The following MAF variants were observed in gnomAD, a reference collection of about 807,000 sequenced individuals.
The protein encoded by MAF is transcription factor Maf.
MAF carries 10 observed loss-of-function variants against 22.0 expected under a neutral mutation model. The ratio of observed to expected loss-of-function variants is 0.45; its 90% CI spans 0.28 to 0.77. The LOEUF (loss-of-function observed/expected upper bound fraction) is 0.77. MAF is among the 30% of genes least tolerant of loss of function. MAF has a pLI of 0.12. For missense variants in MAF, 544 were observed against 548.4 expected, an observed-to-expected ratio of 0.99 and a Z score of 0.08; for synonymous variants, 337 against 255.8, an observed-to-expected ratio of 1.32 and a Z score of -3.03.
chr16:79,539,385 C>T, the MAF span, among the ~76,000 whole-genome samples: 4 of 152,042 alleles, frequency 2.6e-5, no homozygotes, highest in African/African-American at 9.7e-5. Context: ...CACCTGTAAT[C>T]CCAACTACTA....
the MAF span, among the ~76,000 whole-genome samples, chr16:79,535,435 G>A: frequency 1.8e-4 from 27 of 150,938 alleles, no homozygotes; most frequent in Admixed American, 1.5e-3. Flanking sequence ...GCAAATTACA[G>A]TACCGTGCTG....
the MAF span, among the ~76,000 whole-genome samples, chr16:79,252,281 A>AAAACTTTATTTATGTATAAAT: frequency 3.3e-5 from 5 of 151,812 alleles, no homozygotes; most frequent in Non-Finnish European, 5.9e-5. Context: ...ATGTTCCAAT[A>AAAACTTTATTTATGTATAAAT]AAACTTTATT....
At chr16:79,539,848 A>C in the MAF span, among the ~76,000 whole-genome samples, 2 of 152,240 alleles carry the variant, frequency 1.3e-5, no homozygotes, top group Non-Finnish European at 2.9e-5. Flanking sequence ...GTGTGCATTG[A>C]AAATCCATTG....
At chr16:79,418,943 A>G in the MAF span, among the ~76,000 whole-genome samples, 55 of 152,322 alleles carry the variant, frequency 3.6e-4, no homozygotes, top group African/African-American at 1.3e-3. Flanking sequence ...AGCCTGTGGT[A>G]CCAGCAGCAA....
chr16:79,428,395 C>A, the MAF span, among the ~76,000 whole-genome samples: 1 of 152,188 alleles, frequency 6.6e-6, no homozygotes, highest in Middle Eastern at 3.2e-3. Flanking sequence ...ACCTCAACAC[C>A]CAGCTGTGTC....
chr16:79,413,210 G>GTTTTTTTTTTTTTTTTTTTT, the MAF span, among the ~76,000 whole-genome samples: 2 of 63,620 alleles, frequency 3.1e-5, 1 homozygote, highest in Non-Finnish European at 6.0e-5. Context: ...GAGCTGTGCA[G>GTTTTTTTTTTTTTTTTTTTT]TTTTTTTTTT....
the MAF span, among the ~76,000 whole-genome samples, chr16:79,450,894 C>G: frequency 6.6e-6 from 1 of 151,658 alleles, no homozygotes; most frequent in Non-Finnish European, 1.5e-5. Flanking sequence ...TAAGAGGAAA[C>G]TTGATGAAAA....
At chr16:79,456,174 T>G in the MAF span, among the ~76,000 whole-genome samples, 276 of 152,278 alleles carry the variant, frequency 1.8e-3, no homozygotes, top group Middle Eastern at 0.01. Flanking sequence ...GGTGCACAGC[T>G]GCATCCACCC....
At chr16:79,356,431 C>T in the MAF span, among the ~76,000 whole-genome samples, 1 of 152,178 alleles carries the variant, frequency 6.6e-6, no homozygotes, top group Non-Finnish European at 1.5e-5. Context: ...CTTATTCTTG[C>T]TATAGAACCT....
chr16:79,314,265 A>G, the MAF span, among the ~76,000 whole-genome samples: 2 of 152,326 alleles, frequency 1.3e-5, no homozygotes, highest in Admixed American at 1.3e-4. Context: ...GAAGCAGCAC[A>G]TTTGAGGTGA....
At chr16:79,493,128 T>G in the MAF span, among the ~76,000 whole-genome samples, 1 of 27,792 alleles carries the variant, frequency 3.6e-5, no homozygotes, top group Non-Finnish European at 1.4e-4. Context: ...CAGCTAATCT[T>G]TCTGTTTTTT....
At chr16:79,428,558 G>T in the MAF span, among the ~76,000 whole-genome samples, 2 of 152,128 alleles carry the variant, frequency 1.3e-5, no homozygotes, top group Non-Finnish European at 2.9e-5. Context: ...TCATGGGAGG[G>T]ACAGGGTGCA....
chr16:79,355,423 A>G, the MAF span, among the ~76,000 whole-genome samples: 1 of 152,178 alleles, frequency 6.6e-6, no homozygotes, highest in Non-Finnish European at 1.5e-5. Context: ...AAGGACAGTT[A>G]AAGAGAAGTG....
chr16:79,549,914 T>G, the MAF span, among the ~76,000 whole-genome samples: 18 of 152,338 alleles, frequency 1.2e-4, no homozygotes, highest in African/African-American at 4.1e-4. Context: ...GCAGACCTCC[T>G]AAATTGTTCC....
the MAF span, among the ~76,000 whole-genome samples, chr16:79,222,550 A>T: frequency 6.6e-6 from 1 of 152,154 alleles, no homozygotes; most frequent in Non-Finnish European, 1.5e-5. Context: ...ATACAAATGG[A>T]CTAAATGCTC....
chr16:79,239,121 A>C, the MAF span, among the ~76,000 whole-genome samples: 4 of 152,126 alleles, frequency 2.6e-5, no homozygotes, highest in African/African-American at 9.6e-5. Flanking sequence ...CCTAAAGGAA[A>C]GTGAAAAGTC....
At chr16:79,417,670 C>T in the MAF span, among the ~76,000 whole-genome samples, 10 of 152,190 alleles carry the variant, frequency 6.6e-5, no homozygotes, top group Admixed American at 6.5e-4. Flanking sequence ...TGGAGCAGTA[C>T]GGTCCTCCGT....
the MAF span, among the ~76,000 whole-genome samples, chr16:79,336,328 G>C: frequency 6.6e-6 from 1 of 152,206 alleles, no homozygotes; most frequent in African/African-American, 2.4e-5. Context: ...TTTTGTAAAG[G>C]AGCGAACCAA....
the MAF span, among the ~76,000 whole-genome samples, chr16:79,474,969 C>T: frequency 3.0e-4 from 45 of 152,214 alleles, 1 homozygote; most frequent in African/African-American, 9.9e-4. Flanking sequence ...CAAAGAACCT[C>T]CCATGCTTTG....
Sources: gnomAD v4.1 joint callset for allele counts (sites outside exome capture counted in the v4.1 genomes callset) on GRCh38, gnomAD v4.1.1 for gene constraint, MANE v1.5 for transcripts, NCBI Gene and HGNC (gene_info 2026-07-23, HGNC 2026-07-21) for gene names.